Variants in MFSD6 observed in about 807,000 individuals in gnomAD.
MFSD6 encodes the protein major facilitator superfamily domain containing 6, also known as major facilitator superfamily domain-containing protein 6.
A neutral mutation model predicts 56.3 loss-of-function variants in MFSD6; 26 were observed. That is an observed-to-expected ratio of 0.46 (90% confidence interval 0.34 to 0.64). The LOEUF is 0.64. MFSD6 is among the 30% of genes least tolerant of loss of function. MFSD6 has a pLI of 0.01. For missense variants in MFSD6, 750 were observed against 986.2 expected, an observed-to-expected ratio of 0.76 and a Z score of 3.21; for synonymous variants, 331 against 366.9, an observed-to-expected ratio of 0.90 and a Z score of 1.12.
chr2:190,501,999 T>G lies in MFSD6; in HGVS notation c.*1781T>G, dbSNP rs1285555085. On this transcript the variant is annotated 3_prime_UTR_variant, in exon 8 of 8. Coordinates refer to ENST00000392328, the MANE Select transcript of MFSD6 (RefSeq NM_017694.4). ...GTACTGTATCTTGTGTTTACAGTTC[T>G]GATTTATTCCTTTGAAAAGCCTGCT... is the stretch of plus-strand genomic sequence containing the variant. The G allele has an allele frequency of 6.5e-6, 1 of 152,680 alleles. No homozygotes were observed. The highest frequency in any genetic ancestry group is 1.5e-5 in the Non-Finnish European group (1 of 68,040). The allele number at this position is 152,680 out of a possible 1,614,324, so 9.5% of individuals were successfully genotyped here.
chr2:190,475,446 G>T (rs1688242407), intron 4 of MFSD6, among the ~76,000 whole-genome samples: 1 of 152,156 alleles, frequency 6.6e-6, no homozygotes, highest in Non-Finnish European at 1.5e-5. Context: ...AATCATGAGT[G>T]AACTCCCATT....
Position 190,436,344 on chromosome 2 carries a change from A to C in MFSD6, c.315A>C (p.Leu105=). The C allele has an allele frequency of 3.7e-6, 6 of 1,614,216 alleles. No individual in the cohort carries two copies. The highest frequency in any genetic ancestry group is 3.4e-6 in the Non-Finnish European group (4 of 1,180,028). Reference sequence around the variant, plus strand: ...GAATGTCTCCAAGCCAGAGTGGACTACTAGTAGGTATTCGTTACTTCATTG... The same window carrying C: ...GAATGTCTCCAAGCCAGAGTGGACTCCTAGTAGGTATTCGTTACTTCATTG... The part of the protein sequence containing the change: ...QLGMSPSQSG[L]LVGIRYFIEF... The change falls in exon 3 of 8, where the codon CTA becomes CTC. Residue 105 remains leucine, a synonymous_variant. Transcript: ENST00000392328. This position sits in a 1 kb window ranked among gnomAD's most constrained non-coding sequence, Gnocchi z 5.3.
In MFSD6 at chr2:190,458,785, C is replaced by A. The variant is rs1687173006; in HGVS notation, c.1533-10973C>A. The stretch of plus-strand genomic sequence containing the variant: ...TCCAATTGAGAAGTCCAGCAAATGA[C>A]CAGAGGTGTAGCTTTAACCAGGTCT... On this transcript the variant is annotated intron_variant, in intron 3 of 7. Coordinates refer to ENST00000392328, the MANE Select transcript of MFSD6 (RefSeq NM_017694.4). This position sits in a 1 kb window ranked among gnomAD's most constrained non-coding sequence, Gnocchi z 5.3. Among the ~76,000 whole-genome samples the A allele has an allele frequency of 6.6e-6, 1 of 152,126 alleles. No individual in the cohort carries two copies. Among genetic ancestry groups the A allele is most frequent in the South Asian group, 2.1e-4 (1 of 4,814 alleles).
In MFSD6 at chr2:190,495,994, A is replaced by G. The variant is rs1689650846; in HGVS notation, c.1892-1445A>G. Among the ~76,000 whole-genome samples the G allele has an allele frequency of 6.6e-6, 1 of 152,200 alleles. No homozygotes were observed. The highest frequency in any genetic ancestry group is 2.4e-5 in the African/African-American group (1 of 41,458). ...ACAAAAACAAAGATAAATAGATGGGACTTAATTAAACTAAAGAGCTTTTGC... is the reference window on the plus strand; with the variant it reads ...ACAAAAACAAAGATAAATAGATGGGGCTTAATTAAACTAAAGAGCTTTTGC... On this transcript the variant is annotated intron_variant, in intron 6 of 7. Transcript: ENST00000392328. This position sits in a 1 kb window ranked among gnomAD's most constrained non-coding sequence, Gnocchi z 4.7.
At chr2:190,411,522 T>TA in intron 1 of MFSD6, 1 of 985,372 alleles carries the variant, frequency 1.0e-6, no homozygotes, top group Non-Finnish European at 1.2e-6. Context: ...CTTTTTACCT[T>TA]ATAAAGTTAT....
rs1273974119 is a variant in MFSD6, at chr2:190,492,024, G to A, written c.1891+2158G>A. 6.6e-6 allele frequency among the ~76,000 whole-genome samples: 1 copy of A among 152,208 alleles called. No homozygotes were observed. The highest frequency in any genetic ancestry group is 1.5e-5 in the Non-Finnish European group (1 of 68,030). On this transcript the variant is annotated intron_variant, in intron 6 of 7. Coordinates refer to ENST00000392328, the MANE Select transcript of MFSD6 (RefSeq NM_017694.4). The surrounding 1 kb of genome is among the most constrained non-coding windows in gnomAD (Gnocchi z 5.2). The stretch of plus-strand genomic sequence containing the variant: ...ACAGAAATGCAAAATGTTCTGGAAA[G>A]TCTCAGCAACAGAATCGAAGAAGCA...
chr2:190,459,358 C>T lies in MFSD6; in HGVS notation c.1533-10400C>T, dbSNP rs1672994860. ...TTAGGGTCAAGTAAAACTCTTGAGG[C>T]CTTTTTAAAATTAACGGCTATGCCA... is the stretch of plus-strand genomic sequence containing the variant. On this transcript the variant is annotated intron_variant, in intron 3 of 7. Coordinates refer to ENST00000392328, the MANE Select transcript of MFSD6 (RefSeq NM_017694.4). This position sits in a 1 kb window ranked among gnomAD's most constrained non-coding sequence, Gnocchi z 5.3. 6.6e-6 allele frequency among the ~76,000 whole-genome samples: 1 copy of T among 152,130 alleles called. No individual in the cohort carries two copies. The highest frequency in any genetic ancestry group is 2.4e-5 in the African/African-American group (1 of 41,406).
rs192201166 is a variant in MFSD6 at position 190,479,081 on chromosome 2, T to C, written c.1630+9226T>C. 6.6e-5 allele frequency among the ~76,000 whole-genome samples: 10 copies of C among 152,306 alleles called. No individual in the cohort carries two copies. In the East Asian group the frequency reaches 1.7e-3, roughly 26 times the overall value. ...TTCTTGATTGTCCTCTCAGGCCATG[T>C]TCATAATAATTAGCAGATGGGTTTG... On this transcript the variant is annotated intron_variant, in intron 4 of 7. Coordinates refer to ENST00000392328, the MANE Select transcript of MFSD6 (RefSeq NM_017694.4).
intron 4 of MFSD6, among the ~76,000 whole-genome samples, chr2:190,480,793 C>T (rs1688619096): frequency 6.6e-6 from 1 of 152,124 alleles, no homozygotes; most frequent in African/African-American, 2.4e-5. Context: ...TACACTAATC[C>T]ATGCAAAGTA....
rs372555341 is a variant in MFSD6, at chr2:190,417,965, G to GGGGTGTGTGT, written c.-54+2553_-54+2554insGGTGTGTGTG. 6.9e-6 allele frequency among the ~76,000 whole-genome samples: 1 copy of GGGGTGTGTGT among 144,612 alleles called. No individual in the cohort carries two copies. The highest frequency in any genetic ancestry group is 1.5e-5 in the Non-Finnish European group (1 of 66,586). The allele number at this position is 144,612 out of a possible 152,430, so 94.9% of individuals were successfully genotyped here. ...CTGACTTTTCATTTAACCCTTTAGTGGTGTGTGTGTGTGTGTGTGTGTGTG... is the reference window on the plus strand; with the variant it reads ...CTGACTTTTCATTTAACCCTTTAGTGGGGTGTGTGTGTGTGTGTGTGTGTGTGTGTGTGTG... On this transcript the variant is annotated intron_variant, in intron 2 of 7. Transcript: ENST00000392328. This position sits in a 1 kb window ranked among gnomAD's most constrained non-coding sequence, Gnocchi z 5.7.
chr2:190,422,746 A>G (rs1187268205), intron 2 of MFSD6, among the ~76,000 whole-genome samples: 2 of 152,054 alleles, frequency 1.3e-5, no homozygotes, highest in African/African-American at 4.8e-5. Flanking sequence ...CTTATCTTTC[A>G]GTTTTGAGGC....
In MFSD6 at chr2:190,412,645, G is replaced by A. The variant is rs945708349; in HGVS notation, c.-175-2647G>A. 4 of 972,952 alleles carry A rather than the reference G, an allele frequency of 4.1e-6. No individual in the cohort carries two copies. In the African/African-American group the frequency reaches 7.0e-5, roughly 17 times the overall value. 60.3% of individuals were successfully genotyped at this position (972,952 alleles called of 1,614,324 possible). Reference sequence around the variant, plus strand: ...CCTCCACCAAGAACATTTCCTTTGAGTTTATAATTCCTCCATGTTTAATTA... The same window carrying A: ...CCTCCACCAAGAACATTTCCTTTGAATTTATAATTCCTCCATGTTTAATTA... On this transcript the variant is annotated intron_variant, in intron 1 of 7. Transcript: ENST00000392328. This position sits in a 1 kb window ranked among gnomAD's most constrained non-coding sequence, Gnocchi z 4.1.
rs925872517 is a variant in MFSD6 at position 190,499,936 on chromosome 2, C to G, written c.2173-79C>G. ...CGGATGATCTCCCCATGTTTCCTGT[C>G]TTACTTGAAAGCATATATAAAAAGT... On this transcript the variant is annotated intron_variant, in intron 7 of 7. Transcript: ENST00000392328. The surrounding 1 kb of genome is among the most constrained non-coding windows in gnomAD (Gnocchi z 6.0). The G allele has an allele frequency of 6.3e-7, 1 of 1,596,532 alleles. No homozygotes were observed. The highest frequency in any genetic ancestry group is 1.3e-5 in the African/African-American group (1 of 74,546).
At chr2:190,468,379 T>C (rs1024604997) in intron 3 of MFSD6, among the ~76,000 whole-genome samples, 3 of 152,128 alleles carry the variant, frequency 2.0e-5, no homozygotes, top group Non-Finnish European at 2.9e-5. Flanking sequence ...AGATTAGTGA[T>C]AGCTGGGTGT....
chr2:190,440,761 G>A (rs542097074), intron 3 of MFSD6, among the ~76,000 whole-genome samples: 15 of 152,132 alleles, frequency 9.9e-5, no homozygotes, highest in Admixed American at 4.6e-4. Flanking sequence ...AATATTATCC[G>A]GGGGGGTTAC....
Position 190,459,572 on chromosome 2 carries a change from T to C in MFSD6, c.1533-10186T>C, listed in dbSNP as rs1687215074. Among the ~76,000 whole-genome samples the C allele has an allele frequency of 1.3e-5, 2 of 152,204 alleles. No homozygotes were observed. Among genetic ancestry groups the C allele is most frequent in the African/African-American group, 4.8e-5 (2 of 41,466 alleles). On this transcript the variant is annotated intron_variant, in intron 3 of 7. Transcript: ENST00000392328. The surrounding 1 kb of genome is among the most constrained non-coding windows in gnomAD (Gnocchi z 5.3). ...CTTCTAAGTGGTTGGGTTCCATTAA[T>C]CAAGGTTCTCTTTTGTTTTAAACAT...
chr2:190,500,149 C>T lies in MFSD6; in HGVS notation c.2307C>T (p.His769=), dbSNP rs753442045. The part of the protein sequence containing the change: ...AASQTQTSPA[H]PSVDPCTEES... ...CTCAGACGCAGACCAGCCCCGCTCA[C>T]CCCAGTGTGGACCCGTGCACAGAGG... The change falls in exon 8 of 8, where the codon CAC becomes CAT. Residue 769 remains histidine, a synonymous_variant. Transcript: ENST00000392328. The surrounding 1 kb of genome is among the most constrained non-coding windows in gnomAD (Gnocchi z 5.3). The T allele has an allele frequency of 1.2e-6, 2 of 1,614,162 alleles. No homozygotes were observed. Among genetic ancestry groups the T allele is most frequent in the South Asian group, 2.2e-5 (2 of 91,086 alleles).
Position 190,411,989 on chromosome 2 carries a change from G to A in MFSD6, c.-175-3303G>A, listed in dbSNP as rs1257686437. 6.1e-6 allele frequency: 6 copies of A among 985,210 alleles called. No homozygotes were observed. The African/African-American group carries it at 7.0e-5, about 11-fold the overall frequency. 61.0% of individuals were successfully genotyped at this position (985,210 alleles called of 1,614,324 possible). A position where few individuals can be genotyped will look rare whatever the true frequency, so the allele number is the denominator to read the frequency against. On this transcript the variant is annotated intron_variant, in intron 1 of 7. Transcript: ENST00000392328. ...AGTTGGAGAAACCAATTTACCTGCT[G>A]TGTCATCTCATGAAATTATGGCATT...
Position 190,438,105 on chromosome 2 carries a change from AT to A in MFSD6, c.1532+552del, listed in dbSNP as rs1010828078. Among the ~76,000 whole-genome samples, 9 of 151,778 alleles carry A rather than the reference AT, an allele frequency of 5.9e-5. No homozygotes were observed. The highest frequency in any genetic ancestry group is 2.0e-4 in the Admixed American group (3 of 15,234). On this transcript the variant is annotated intron_variant, in intron 3 of 7. Coordinates refer to ENST00000392328, the MANE Select transcript of MFSD6 (RefSeq NM_017694.4). This position sits in a 1 kb window ranked among gnomAD's most constrained non-coding sequence, Gnocchi z 5.2. The stretch of plus-strand genomic sequence containing the variant: ...TATTACATGGATGAGGTTCTTAAGT[AT>A]TTTTTTTGGGTTATTACATGACTCC...
Sources: allele counts gnomAD v4.1 joint callset (sites outside exome capture counted in the v4.1 genomes callset), GRCh38; gene constraint gnomAD v4.1.1; non-coding constraint Gnocchi (gnomAD v3.1); transcripts MANE v1.5; gene names NCBI Gene and HGNC (gene_info 2026-07-23, HGNC 2026-07-21).